LOC400499: variants seen among roughly 807,000 people sequenced by gnomAD.
chr16:11,435,623 G>T, the LOC400499 span: 6 of 399,186 alleles, frequency 1.5e-5, no homozygotes, highest in African/African-American at 1.2e-4. Flanking sequence ...GGCCTCTGTG[G>T]TCTCCCTGCC....
chr16:11,437,392 C>G, the LOC400499 span, among the ~76,000 whole-genome samples: 1 of 152,116 alleles, frequency 6.6e-6, no homozygotes, highest in Non-Finnish European at 1.5e-5. Flanking sequence ...ACCCGCATCT[C>G]TACAAAAAAT....
the LOC400499 span, among the ~76,000 whole-genome samples, chr16:11,385,708 G>A: frequency 6.1e-4 from 93 of 152,338 alleles, no homozygotes; most frequent in African/African-American, 2.2e-3. Context: ...AATGCCACAG[G>A]GTCTATGCTT....
the LOC400499 span, among the ~76,000 whole-genome samples, chr16:11,469,900 C>T: frequency 6.6e-6 from 1 of 152,170 alleles, no homozygotes; most frequent in Non-Finnish European, 1.5e-5. Flanking sequence ...GCACAGACCC[C>T]TCCCATCCTT....
the LOC400499 span, among the ~76,000 whole-genome samples, chr16:11,452,563 G>T: frequency 6.6e-6 from 1 of 152,228 alleles, no homozygotes; most frequent in East Asian, 1.9e-4. Context: ...GATGGCACAG[G>T]CCTGGGTTTG....
At chr16:11,526,382 T>A in the LOC400499 span, among the ~76,000 whole-genome samples, 185 of 152,278 alleles carry the variant, frequency 1.2e-3, no homozygotes, top group African/African-American at 4.3e-3. Flanking sequence ...AAACCCCGTC[T>A]CCACAAAAAA....
the LOC400499 span, among the ~76,000 whole-genome samples, chr16:11,490,468 G>A: frequency 1.3e-5 from 2 of 151,582 alleles, no homozygotes; most frequent in Non-Finnish European, 2.9e-5. Context: ...GGGAGGCTGA[G>A]GCGGGCAGAT....
chr16:11,403,020 G>A, the LOC400499 span, among the ~76,000 whole-genome samples: 6 of 151,942 alleles, frequency 3.9e-5, no homozygotes, highest in Non-Finnish European at 5.9e-5. Context: ...AACAACAGAT[G>A]GCCTCCACAC....
the LOC400499 span, chr16:11,398,647 C>T: frequency 1.7e-6 from 1 of 593,222 alleles, no homozygotes; most frequent in Non-Finnish European, 2.5e-6. Flanking sequence ...CACAGCACCC[C>T]CTTACACTCT....
At chr16:11,413,781 T>C in the LOC400499 span, among the ~76,000 whole-genome samples, 1 of 152,202 alleles carries the variant, frequency 6.6e-6, no homozygotes, top group East Asian at 1.9e-4. Context: ...CAGGCATTAA[T>C]GGGATGAACT....
At chr16:11,414,750 G>A in the LOC400499 span, among the ~76,000 whole-genome samples, 1 of 152,230 alleles carries the variant, frequency 6.6e-6, no homozygotes, top group Non-Finnish European at 1.5e-5. Context: ...TCTCATTGAA[G>A]TTGAAGTTGC....
chr16:11,405,007 G>C, the LOC400499 span: 2 of 396,394 alleles, frequency 5.0e-6, no homozygotes, highest in Non-Finnish European at 8.9e-6. Context: ...TATGTCAGGG[G>C]ATCAAAAACC....
the LOC400499 span, among the ~76,000 whole-genome samples, chr16:11,391,393 C>A: frequency 6.6e-6 from 1 of 152,034 alleles, no homozygotes; most frequent in Admixed American, 6.5e-5. Flanking sequence ...AGAAAGCAGG[C>A]GGGAGACTGA....
At chr16:11,376,194 C>T in the LOC400499 span, among the ~76,000 whole-genome samples, 12 of 152,308 alleles carry the variant, frequency 7.9e-5, no homozygotes, top group East Asian at 1.9e-4. Flanking sequence ...TCCTTCAATG[C>T]GATCCAGTTT....
the LOC400499 span, among the ~76,000 whole-genome samples, chr16:11,427,089 G>A: frequency 6.6e-6 from 1 of 151,864 alleles, no homozygotes; most frequent in South Asian, 2.1e-4. Context: ...CAGGCGCAGT[G>A]GCTCACACCT....
the LOC400499 span, among the ~76,000 whole-genome samples, chr16:11,509,429 T>G: frequency 0.027 from 4,042 of 151,208 alleles, 186 homozygotes; most frequent in African/African-American, 0.093. Flanking sequence ...ACACTGAGTA[T>G]CCTTTAACAG....
the LOC400499 span, chr16:11,413,086 C>T: frequency 2.5e-6 from 1 of 395,818 alleles, no homozygotes; most frequent in Non-Finnish European, 4.5e-6. Flanking sequence ...CCTGGCTCAT[C>T]CAACACTCTC....
the LOC400499 span, chr16:11,383,796 A>T: frequency 7.4e-5 from 91 of 1,232,198 alleles, no homozygotes; most frequent in African/African-American, 1.2e-3. Flanking sequence ...GAAATCAGGG[A>T]CACCGAGTCA....
the LOC400499 span, chr16:11,456,794 G>A: frequency 6.6e-7 from 1 of 1,510,516 alleles, no homozygotes; most frequent in Non-Finnish European, 8.9e-7. Flanking sequence ...GGCATAGCTT[G>A]AGCAAAGGCC....
At chr16:11,444,157 G>C in the LOC400499 span, among the ~76,000 whole-genome samples, 2 of 152,158 alleles carry the variant, frequency 1.3e-5, no homozygotes, top group Non-Finnish European at 2.9e-5. Flanking sequence ...CAGCACTTTG[G>C]AAGGTGAGGC....
Sources: gnomAD v4.1 joint callset for allele counts (sites outside exome capture counted in the v4.1 genomes callset) on GRCh38, gnomAD v4.1.1 for gene constraint, MANE v1.5 for transcripts.